Variants in SNX29 observed in about 807,000 individuals in gnomAD.
SNX29 encodes sorting nexin 29, also known as sorting nexin-29.
Under a neutral mutation model 102.1 loss-of-function variants are expected in SNX29, and 78 were observed. The ratio of observed to expected loss-of-function variants is 0.76; its 90% CI spans 0.64 to 0.92. The LOEUF (loss-of-function observed/expected upper bound fraction) is 0.92, where lower values mean the gene tolerates loss of function less well. Among genes scored for constraint, SNX29 ranks in the 40% least tolerant of loss-of-function variants. SNX29 has a pLI of 0.00. For synonymous variants in SNX29, 580 were observed against 414.5 expected (o/e 1.40, Z -4.85); for missense variants, 1,280 against 1,061.7 (o/e 1.21, Z -2.86).
At chr16:12,108,439 T>C (rs1442563975) in intron 11 of SNX29, among the ~76,000 whole-genome samples, 2 of 152,198 alleles carry the variant, frequency 1.3e-5, no homozygotes, top group African/African-American at 4.8e-5. Context: ...CCAGAAGGTG[T>C]CACGGCACCT....
intron 20 of SNX29, among the ~76,000 whole-genome samples, chr16:12,546,997 AT>A (rs1376828517): frequency 6.6e-6 from 1 of 152,098 alleles, no homozygotes; most frequent in Admixed American, 6.5e-5. Flanking sequence ...ACAGTGCACC[AT>A]TTCAGATCCT....
At chr16:12,013,534 T>TAG (rs2056746625) in intron 3 of SNX29, among the ~76,000 whole-genome samples, 2 of 112,030 alleles carry the variant, frequency 1.8e-5, no homozygotes, top group African/African-American at 3.4e-5. Context: ...TATATATATA[T>TAG]ATATATATCG....
chr16:12,567,678 C>T (rs2079068710), intron 20 of SNX29, among the ~76,000 whole-genome samples: 2 of 152,176 alleles, frequency 1.3e-5, no homozygotes, highest in Admixed American at 1.3e-4. Context: ...GAGAGGATCA[C>T]TTGAGCCCAG....
Position 11,986,882 on chromosome 16 carries a change from A to G in SNX29, c.7+10069A>G, listed in dbSNP as rs540272388. ...TGTGTTCCAATAAAACTTTATTTAG[A>G]AAAAGTCAGCAGCTGGATTTGGCTC... On this transcript the variant is annotated intron_variant, in intron 1 of 20. Coordinates refer to ENST00000566228, the MANE Select transcript of SNX29 (RefSeq NM_032167.5). Among the ~76,000 whole-genome samples the G allele has an allele frequency of 2.6e-5, 4 of 152,316 alleles. No homozygotes were observed. In the East Asian group the frequency reaches 7.7e-4, roughly 29 times the overall value.
In SNX29 at chr16:12,507,769, C is replaced by T. The variant is rs191924458; in HGVS notation, c.2179-16933C>T. On this transcript the variant is annotated intron_variant, in intron 19 of 20. Coordinates refer to ENST00000566228, the MANE Select transcript of SNX29 (RefSeq NM_032167.5). ...CTGAAGTAGAACGTTAAAATAACCC[C>T]TTTACCTTCCCTCCCTCCCCTTATC... is the stretch of plus-strand genomic sequence containing the variant. Among the ~76,000 whole-genome samples, 6 of 152,270 alleles carry T rather than the reference C, an allele frequency of 3.9e-5. No homozygotes were observed. In the East Asian group the frequency reaches 1.2e-3, roughly 29 times the overall value.
chr16:12,286,857 G>T (rs2079615069), intron 15 of SNX29, among the ~76,000 whole-genome samples: 1 of 151,988 alleles, frequency 6.6e-6, no homozygotes, highest in South Asian at 2.1e-4. Context: ...ACATTCCTGA[G>T]TATTTCAGAA....
intron 11 of SNX29, among the ~76,000 whole-genome samples, chr16:12,110,529 G>A (rs2053461076): frequency 6.6e-6 from 1 of 152,118 alleles, no homozygotes; most frequent in Non-Finnish European, 1.5e-5. Context: ...AGGAAGGGAC[G>A]GCCTTTTGCT....
chr16:12,567,536 G>C (rs36121403), intron 20 of SNX29, among the ~76,000 whole-genome samples: 1 of 151,740 alleles, frequency 6.6e-6, no homozygotes, highest in Non-Finnish European at 1.5e-5. Context: ...TGTAATCCCA[G>C]CACTTTAGGA....
chr16:11,995,850 A>G (rs2056051263), intron 1 of SNX29, among the ~76,000 whole-genome samples: 1 of 151,610 alleles, frequency 6.6e-6, no homozygotes, highest in South Asian at 2.1e-4. Flanking sequence ...TCACGAGGTC[A>G]GGAGTTTAAG....
Position 12,175,651 on chromosome 16 carries a change from C to CAAA in SNX29, c.1596-23937_1596-23935dup, listed in dbSNP as rs367874903. 1.0e-3 allele frequency among the ~76,000 whole-genome samples: 121 copies of CAAA among 117,582 alleles called. 4 individuals carry two copies. The East Asian group carries it at 0.012, about 12-fold the overall frequency. 77.1% of individuals were successfully genotyped at this position (117,582 alleles called of 152,430 possible). On this transcript the variant is annotated intron_variant, in intron 13 of 20. Transcript: ENST00000566228. ...GGGTGGACACAGCAAGACTCCGTCTCAAAAAAAAAAAAAAAGTACGGGGCT... is the reference window on the plus strand; with the variant it reads ...GGGTGGACACAGCAAGACTCCGTCTCAAAAAAAAAAAAAAAAAAGTACGGGGCT...
rs1459297953 is a variant in SNX29, at chr16:12,569,983, C to A, written c.*1354C>A. ...GGTAAGCCATGGGCTTGTCCTGGAA[C>A]TGCTTCAACTCAGTGGCTTAAAATG... On this transcript the variant is annotated 3_prime_UTR_variant, in exon 21 of 21. Transcript: ENST00000566228. 3.2e-5 allele frequency: 8 copies of A among 247,162 alleles called. No homozygotes were observed. The South Asian group carries it at 1.2e-3, about 37-fold the overall frequency. The allele number at this position is 247,162 out of a possible 1,614,324, so 15.3% of individuals were successfully genotyped here.
At chr16:12,453,622 C>T (rs2086403852) in intron 18 of SNX29, among the ~76,000 whole-genome samples, 1 of 152,004 alleles carries the variant, frequency 6.6e-6, no homozygotes, top group African/African-American at 2.4e-5. Flanking sequence ...CTCAAGCAGT[C>T]CTTGTGCCTC....
chr16:12,024,942 G>A (rs1567539194), intron 3 of SNX29, among the ~76,000 whole-genome samples: 1 of 152,040 alleles, frequency 6.6e-6, no homozygotes, highest in African/African-American at 2.4e-5. Context: ...TATGTGCCAT[G>A]GTTTTGGTTT....
At chr16:12,411,089 G>A (rs2084379691) in intron 18 of SNX29, among the ~76,000 whole-genome samples, 1 of 152,176 alleles carries the variant, frequency 6.6e-6, no homozygotes, top group Non-Finnish European at 1.5e-5. Context: ...GCAGTGATGT[G>A]GGCTCTGAGA....
At chr16:12,127,756 C>T (rs1051833264) in intron 12 of SNX29, among the ~76,000 whole-genome samples, 1 of 152,152 alleles carries the variant, frequency 6.6e-6, no homozygotes, top group Admixed American at 6.5e-5. Context: ...AATCAAAGGC[C>T]TGTCTATCTA....
chr16:12,066,343 T>C (rs2051036587), intron 9 of SNX29, among the ~76,000 whole-genome samples: 1 of 152,160 alleles, frequency 6.6e-6, no homozygotes, highest in African/African-American at 2.4e-5. Flanking sequence ...TTGGGGGCAC[T>C]GAGCAGTCTT....
chr16:12,517,184 A>G (rs7203876), intron 19 of SNX29, among the ~76,000 whole-genome samples: 9,542 of 152,144 alleles, frequency 0.063, 729 homozygotes, highest in African/African-American at 0.18. Context: ...GCCCCTAGAG[A>G]AGTCTGGCAG....
chr16:12,533,466 C>T lies in SNX29; in HGVS notation c.2318+8625C>T, dbSNP rs576584400. Among the ~76,000 whole-genome samples the T allele has an allele frequency of 6.0e-4, 91 of 152,346 alleles. 1 individual carries two copies. Among genetic ancestry groups the T allele is most frequent in the African/African-American group, 2.1e-3 (89 of 41,578 alleles). On this transcript the variant is annotated intron_variant, in intron 20 of 20. Coordinates refer to ENST00000566228, the MANE Select transcript of SNX29 (RefSeq NM_032167.5). ...CACTAATGTTGCACCTCCCCACCCC[C>T]ATCCCCAGCAGTGGGGTTCCTGGAC... is the stretch of plus-strand genomic sequence containing the variant.
chr16:12,120,698 G>A (rs1038909493), intron 11 of SNX29, among the ~76,000 whole-genome samples: 3 of 152,196 alleles, frequency 2.0e-5, no homozygotes, highest in Non-Finnish European at 4.4e-5. Flanking sequence ...CCTGGGGACT[G>A]GAGGCTGGTC....
Sources: allele counts gnomAD v4.1 joint callset (sites outside exome capture counted in the v4.1 genomes callset), GRCh38; gene constraint gnomAD v4.1.1; transcripts MANE v1.5; gene names NCBI Gene and HGNC (gene_info 2026-07-23, HGNC 2026-07-21).